The following CSMD1 variants were observed in gnomAD, a reference collection of about 807,000 sequenced individuals.
CSMD1 encodes CUB and sushi domain-containing protein 1.
A neutral mutation model predicts 417.5 loss-of-function variants in CSMD1; 213 were observed. That is an observed-to-expected ratio of 0.51 (90% CI 0.46 to 0.57). The LOEUF is 0.57. Ranked by LOEUF, CSMD1 falls within the 20% of genes least tolerant of loss-of-function variation. The pLI is 0.00. For synonymous variants in CSMD1, 2,862 were observed against 1,736.8 expected (o/e 1.65, Z -16.11); for missense variants, 6,923 against 4,529.7 (o/e 1.53, Z -15.17).
At chr8:4,124,315 C>G (rs1284258385) in intron 3 of CSMD1, among the ~76,000 whole-genome samples, 1 of 152,102 alleles carries the variant, frequency 6.6e-6, no homozygotes, top group Non-Finnish European at 1.5e-5. Flanking sequence ...CCACAGGATC[C>G]TCTATCAAGC....
intron 2 of CSMD1, among the ~76,000 whole-genome samples, chr8:4,502,927 G>A (rs2130293206): frequency 6.6e-6 from 1 of 152,116 alleles, no homozygotes; most frequent in South Asian, 2.1e-4. Flanking sequence ...TAAATTATAT[G>A]TCTGTTTGGT....
At chr8:4,340,025 G>A (rs186701363) in intron 3 of CSMD1, among the ~76,000 whole-genome samples, 6 of 152,150 alleles carry the variant, frequency 3.9e-5, no homozygotes, top group East Asian at 3.9e-4. Flanking sequence ...CACTTCTAGC[G>A]AAAATTATGT....
At chr8:3,375,327 G>C (rs1292051694) in intron 18 of CSMD1, 1 of 152,120 alleles carries the variant, frequency 6.6e-6, no homozygotes. Context: ...GCCTCTGCAA[G>C]TCTGCCTCTT....
chr8:3,797,255 A>G (rs1800205335), intron 5 of CSMD1, among the ~76,000 whole-genome samples: 3 of 151,910 alleles, frequency 2.0e-5, no homozygotes, highest in African/African-American at 7.2e-5. Flanking sequence ...AAGTGGCTAT[A>G]AAGTAGTTTT....
At chr8:3,860,945 T>G (rs776498705) in intron 5 of CSMD1, among the ~76,000 whole-genome samples, 2 of 152,206 alleles carry the variant, frequency 1.3e-5, no homozygotes, top group Non-Finnish European at 2.9e-5. Context: ...TATTTTCTAG[T>G]TGATATACTT....
chr8:3,752,545 T>C (rs1324928472), intron 6 of CSMD1, among the ~76,000 whole-genome samples: 1 of 151,628 alleles, frequency 6.6e-6, no homozygotes, highest in Non-Finnish European at 1.5e-5. Context: ...TCCCAGCTAC[T>C]CGGGAGCCTG....
intron 3 of CSMD1, among the ~76,000 whole-genome samples, chr8:4,090,993 A>C (rs552248212): frequency 6.6e-6 from 1 of 150,924 alleles, no homozygotes; most frequent in Admixed American, 6.6e-5. Context: ...ATCCTGGCTC[A>C]CTGCAACCTC....
intron 7 of CSMD1, among the ~76,000 whole-genome samples, chr8:3,677,561 G>C (rs56196014): frequency 6.6e-6 from 1 of 152,022 alleles, no homozygotes; most frequent in African/African-American, 2.4e-5. Context: ...ACCCAGAAGG[G>C]TTTGGAGATG....
At chr8:4,680,231 G>A (rs899628118) in intron 1 of CSMD1, among the ~76,000 whole-genome samples, 4 of 152,102 alleles carry the variant, frequency 2.6e-5, no homozygotes, top group Non-Finnish European at 4.4e-5. Context: ...CTGTGCTTCT[G>A]GACATTCCGC....
At chr8:4,268,267 G>A (rs909370475) in intron 3 of CSMD1, among the ~76,000 whole-genome samples, 1 of 152,116 alleles carries the variant, frequency 6.6e-6, no homozygotes, top group Non-Finnish European at 1.5e-5. Context: ...TACTAATTGA[G>A]TTTCTATATT....
intron 5 of CSMD1, among the ~76,000 whole-genome samples, chr8:3,802,211 G>A (rs1270064290): frequency 2.0e-5 from 3 of 152,096 alleles, no homozygotes; most frequent in Non-Finnish European, 2.9e-5. Flanking sequence ...ATCACACCTT[G>A]TAAATTCTTA....
intron 3 of CSMD1, among the ~76,000 whole-genome samples, chr8:4,219,411 G>A (rs778389149): frequency 6.6e-6 from 1 of 152,106 alleles, no homozygotes. Flanking sequence ...TAATTACAGA[G>A]CCTCCATGGT....
At chr8:3,661,821 G>A (rs1378373347) in intron 7 of CSMD1, among the ~76,000 whole-genome samples, 1 of 152,124 alleles carries the variant, frequency 6.6e-6, no homozygotes, top group Non-Finnish European at 1.5e-5. Flanking sequence ...TAATTCAGAT[G>A]AAGTTTTTAT....
chr8:3,502,507 G>A (rs571714598), intron 10 of CSMD1, among the ~76,000 whole-genome samples: 2 of 152,228 alleles, frequency 1.3e-5, no homozygotes, highest in Admixed American at 1.3e-4. Flanking sequence ...GGTATATCCA[G>A]ACAGTGGAAT....
intron 41 of CSMD1, among the ~76,000 whole-genome samples, chr8:3,132,484 T>C (rs953238830): frequency 2.6e-5 from 4 of 152,174 alleles, no homozygotes; most frequent in Admixed American, 1.3e-4. Context: ...GAAAGTAAGC[T>C]GTTTGTCTTC....
At chr8:4,976,367 TTATC>T (rs1810560786) in intron 1 of CSMD1, among the ~76,000 whole-genome samples, 1 of 152,220 alleles carries the variant, frequency 6.6e-6, no homozygotes, top group East Asian at 1.9e-4. Context: ...CATAATTATC[TTATC>T]TATTTACATA....
intron 1 of CSMD1, among the ~76,000 whole-genome samples, chr8:4,685,332 G>A (rs199542573): frequency 6.6e-6 from 1 of 152,152 alleles, no homozygotes; most frequent in East Asian, 1.9e-4. Context: ...CCAGCACTTT[G>A]GGAGGCTGAG....
chr8:3,932,051 G>T (rs1177164554), intron 5 of CSMD1, among the ~76,000 whole-genome samples: 1 of 150,462 alleles, frequency 6.6e-6, no homozygotes, highest in Non-Finnish European at 1.5e-5. Flanking sequence ...TTTCATCAGA[G>T]AGTAGGATTC....
At chr8:4,212,576 A>G (rs1277357374) in intron 3 of CSMD1, among the ~76,000 whole-genome samples, 1 of 152,096 alleles carries the variant, frequency 6.6e-6, no homozygotes, top group Non-Finnish European at 1.5e-5. Context: ...TAGTTGATCA[A>G]GGCCTGACAT....
Sources: allele counts gnomAD v4.1 joint callset (sites outside exome capture counted in the v4.1 genomes callset), GRCh38; gene constraint gnomAD v4.1.1; transcripts MANE v1.5; gene names NCBI Gene and HGNC (gene_info 2026-07-23, HGNC 2026-07-21).